The following TCF12 variants were observed in gnomAD, a reference collection of about 807,000 sequenced individuals.
TCF12 encodes the protein transcription factor 12, also known as DNA-binding protein HTF4.
TCF12 carries 45 observed loss-of-function variants against 86.0 expected under a neutral mutation model. That is an observed-to-expected ratio of 0.52 (90% CI 0.41 to 0.67). The LOEUF (loss-of-function observed/expected upper bound fraction) is 0.67. TCF12 is among the 30% of genes least tolerant of loss of function. TCF12 has a pLI of 0.00. For synonymous variants in TCF12, 330 were observed against 299.6 expected (o/e 1.10, Z -1.05); for missense variants, 881 against 859.9 (o/e 1.02, Z -0.31).
chr15:57,111,273 A>C (rs547653255), intron 5 of TCF12, among the ~76,000 whole-genome samples: 1 of 152,262 alleles, frequency 6.6e-6, no homozygotes, highest in East Asian at 1.9e-4. Flanking sequence ...CCAAACTCTT[A>C]TGAAAACATA....
chr15:57,105,571 C>T (rs887266132), intron 5 of TCF12, among the ~76,000 whole-genome samples: 1 of 151,990 alleles, frequency 6.6e-6, no homozygotes, highest in Non-Finnish European at 1.5e-5. Flanking sequence ...CATCCCACAC[C>T]CAGCTAATTT....
At chr15:57,071,264 A>T (rs76830385) in intron 4 of TCF12, among the ~76,000 whole-genome samples, 1 of 151,726 alleles carries the variant, frequency 6.6e-6, no homozygotes, top group East Asian at 1.9e-4. Context: ...AAAAAAAAAA[A>T]ATCCAGGTCT....
chr15:57,261,958 A>G, intron 16 of TCF12, 136 bp from the exon 17 acceptor site: 1 of 540,084 alleles, frequency 1.9e-6, no homozygotes. Flanking sequence ...AACCAGAATA[A>G]TGGCATCCAG....
chr15:56,930,141 G>A (rs1184046051), intron 3 of TCF12, among the ~76,000 whole-genome samples: 1 of 152,204 alleles, frequency 6.6e-6, no homozygotes, highest in Non-Finnish European at 1.5e-5. Context: ...TGCTGCTGCT[G>A]TCGGCAAGAG....
intron 3 of TCF12, among the ~76,000 whole-genome samples, chr15:57,021,464 G>T (rs1484756665): frequency 6.6e-6 from 1 of 152,228 alleles, no homozygotes; most frequent in Non-Finnish European, 1.5e-5. Flanking sequence ...ATCAACAGTG[G>T]CTTAGCATAC....
At chr15:57,038,516 G>C (rs771486893) in intron 3 of TCF12, among the ~76,000 whole-genome samples, 1 of 152,112 alleles carries the variant, frequency 6.6e-6, no homozygotes. Flanking sequence ...GTACTATTTC[G>C]TGATATCACA....
intron 4 of TCF12, among the ~76,000 whole-genome samples, chr15:57,077,006 T>C (rs1246464458): frequency 6.6e-6 from 1 of 152,204 alleles, no homozygotes; most frequent in Non-Finnish European, 1.5e-5. Context: ...TTGTGTTTTA[T>C]TGATTTTATC....
At chr15:57,007,725 T>G (rs1317427648) in intron 3 of TCF12, among the ~76,000 whole-genome samples, 1 of 151,894 alleles carries the variant, frequency 6.6e-6, no homozygotes, top group Non-Finnish European at 1.5e-5. Flanking sequence ...TTCTGAAAAC[T>G]CAAGGAAAAT....
chr15:56,931,277 G>T (rs1469028037), intron 3 of TCF12, among the ~76,000 whole-genome samples: 1 of 152,080 alleles, frequency 6.6e-6, no homozygotes, highest in Non-Finnish European at 1.5e-5. Context: ...TTGATTTAGG[G>T]AATCAAGATC....
intron 3 of TCF12, among the ~76,000 whole-genome samples, chr15:56,958,213 G>A (rs768306766): frequency 1.3e-5 from 2 of 152,268 alleles, no homozygotes; most frequent in African/African-American, 2.4e-5. Context: ...TCTGATCTCA[G>A]TGAGTCTGTC....
intron 5 of TCF12, among the ~76,000 whole-genome samples, chr15:57,161,752 C>T (rs1596940367): frequency 6.6e-6 from 1 of 152,138 alleles, no homozygotes; most frequent in East Asian, 1.9e-4. Context: ...ATAATCCAGA[C>T]AGTACCTACA....
At chr15:57,125,322 A>T (rs555153872) in intron 5 of TCF12, among the ~76,000 whole-genome samples, 1 of 152,254 alleles carries the variant, frequency 6.6e-6, no homozygotes, top group Non-Finnish European at 1.5e-5. Context: ...TAATATTTCT[A>T]TAAGTTCTAT....
At chr15:56,924,495 G>GTA (rs1215347820) in intron 3 of TCF12, among the ~76,000 whole-genome samples, 1 of 152,184 alleles carries the variant, frequency 6.6e-6, no homozygotes, top group African/African-American at 2.4e-5. Context: ...AACTGTGATA[G>GTA]AAATAGGAAT....
At chr15:57,038,726 T>A (rs892306353) in intron 3 of TCF12, among the ~76,000 whole-genome samples, 3 of 152,192 alleles carry the variant, frequency 2.0e-5, no homozygotes, top group African/African-American at 7.2e-5. Context: ...ATTTTTGTTA[T>A]ATTTAGTAGG....
At chr15:57,097,814 C>G (rs1275441482) in intron 5 of TCF12, among the ~76,000 whole-genome samples, 1 of 151,970 alleles carries the variant, frequency 6.6e-6, no homozygotes, top group East Asian at 1.9e-4. Flanking sequence ...AGCCTAGATA[C>G]AGTTGAAGGC....
rs2062000078 is a variant in TCF12, at chr15:57,288,375, G to C, written c.*2230G>C. Reference sequence around the variant, plus strand: ...GGTTTATTGCAGATTTGTATCCTGTGTCAAATTCAAGGTATTATTGATAAA... The same window carrying C: ...GGTTTATTGCAGATTTGTATCCTGTCTCAAATTCAAGGTATTATTGATAAA... On this transcript the variant is annotated 3_prime_UTR_variant, in exon 21 of 21. Transcript: ENST00000333725. 6.6e-6 allele frequency: 1 copy of C among 152,572 alleles called. No individual in the cohort carries two copies. The highest frequency in any genetic ancestry group is 6.6e-5 in the Admixed American group (1 of 15,264). 9.5% of individuals were successfully genotyped at this position (152,572 alleles called of 1,614,324 possible).
rs2060613626 is a variant in TCF12, at chr15:57,262,082, C to A, written c.1468-12C>A. ...TAATCTTTTTTTATTTTTGGGTTTT[C>A]CTTAACTTTAGGTTGGAACTCATCG... is the stretch of plus-strand genomic sequence containing the variant. On this transcript the variant is annotated splice_polypyrimidine_tract_variant and intron_variant, in intron 16 of 20. Transcript: ENST00000333725. The A allele has an allele frequency of 6.3e-7, 1 of 1,582,312 alleles. No homozygotes were observed. Among genetic ancestry groups the A allele is most frequent in the Admixed American group, 1.8e-5 (1 of 55,774 alleles).
At chr15:57,281,411 A>G (rs2061680342) in intron 19 of TCF12, among the ~76,000 whole-genome samples, 1 of 152,160 alleles carries the variant, frequency 6.6e-6, no homozygotes, top group African/African-American at 2.4e-5. Context: ...CCACCTATCT[A>G]TCCTTCTCCC....
chr15:57,258,561 A>C (rs2060451593), intron 16 of TCF12, among the ~76,000 whole-genome samples: 1 of 152,218 alleles, frequency 6.6e-6, no homozygotes, highest in African/African-American at 2.4e-5. Context: ...ATGACATAGG[A>C]TAAAATTTCA....
Sources: gnomAD v4.1 joint callset for allele counts (sites outside exome capture counted in the v4.1 genomes callset) on GRCh38, gnomAD v4.1.1 for gene constraint, MANE v1.5 for transcripts, NCBI Gene and HGNC (gene_info 2026-07-23, HGNC 2026-07-21) for gene names.